The following ATP8A2 variants were observed in gnomAD, a reference collection of about 807,000 sequenced individuals.
ATP8A2 encodes ATPase phospholipid transporting 8A2.
ATP8A2 carries 100 observed loss-of-function variants against 165.6 expected under a neutral mutation model. The ratio of observed to expected loss-of-function variants is 0.60; its 90% CI spans 0.51 to 0.71. ATP8A2 has a LOEUF of 0.71. Among genes scored for constraint, ATP8A2 ranks in the 30% least tolerant of loss-of-function variants. The probability of loss-of-function intolerance (pLI) is 0.00; values close to 1 mark genes in which losing one functional copy is unlikely to be tolerated. For synonymous variants in ATP8A2, 543 were observed against 548.8 expected, an observed-to-expected ratio of 0.99 and a Z score of 0.15; for missense variants, 1,227 against 1,479.5, an observed-to-expected ratio of 0.83 and a Z score of 2.80.
At chr13:25,778,481 C>T (rs574421880) in intron 27 of ATP8A2, among the ~76,000 whole-genome samples, 1 of 152,260 alleles carries the variant, frequency 6.6e-6, no homozygotes, top group South Asian at 2.1e-4. Flanking sequence ...ACAACCTGTG[C>T]CTCCATCCTC....
At position 26,021,695 on chromosome 13, in the gene ATP8A2, G is replaced by T. The variant is rs949594673; in HGVS notation, c.*1710G>T. ...ATACTTGTGGGCAACTGTTACTGGTGAAAAATGGGAGTGGAGAGCATGTTT... is the reference window on the plus strand; with the variant it reads ...ATACTTGTGGGCAACTGTTACTGGTTAAAAATGGGAGTGGAGAGCATGTTT... On this transcript the variant is annotated 3_prime_UTR_variant, in exon 37 of 37. Coordinates refer to ENST00000381655, the MANE Select transcript of ATP8A2 (RefSeq NM_016529.6). The T allele has an allele frequency of 6.6e-6, 1 of 152,152 alleles. No individual in the cohort carries two copies. Among genetic ancestry groups the T allele is most frequent in the Non-Finnish European group, 1.5e-5 (1 of 68,042 alleles). The allele number at this position is 152,152 out of a possible 1,614,324, so 9.4% of individuals were successfully genotyped here.
At position 25,941,665 on chromosome 13, in the gene ATP8A2, A is replaced by C. The variant is rs562278795; in HGVS notation, c.3184-19910A>C. Among the ~76,000 whole-genome samples the C allele has an allele frequency of 4.7e-4, 71 of 152,300 alleles. 1 individual carries two copies. In the South Asian group the frequency reaches 0.014, roughly 29 times the overall value. ...TTCCCCATATAGTCCTGGCAGCAGC[A>C]CACACTGAATCCAACTGTGGTGACT... On this transcript the variant is annotated intron_variant, in intron 33 of 36. Transcript: ENST00000381655.
At chr13:25,804,162 C>T (rs570826074) in intron 27 of ATP8A2, among the ~76,000 whole-genome samples, 1 of 152,052 alleles carries the variant, frequency 6.6e-6, no homozygotes, top group East Asian at 1.9e-4. Flanking sequence ...TCGTTTTTTC[C>T]AGTATGTATA....
intron 16 of ATP8A2, 86 bp from the exon 17 acceptor site, chr13:25,570,681 G>A: frequency 9.6e-7 from 1 of 1,036,438 alleles, no homozygotes; most frequent in Non-Finnish European, 1.5e-6. Context: ...TAGGATGACT[G>A]GATGTTAGTT....
chr13:25,776,160 A>C (rs528577248), intron 27 of ATP8A2, among the ~76,000 whole-genome samples: 34 of 152,324 alleles, frequency 2.2e-4, no homozygotes, highest in South Asian at 4.1e-4. Context: ...CATTTTTCTA[A>C]GTTGCACAAG....
intron 25 of ATP8A2, among the ~76,000 whole-genome samples, chr13:25,768,760 G>A (rs898104893): frequency 3.9e-5 from 6 of 152,118 alleles, no homozygotes; most frequent in East Asian, 1.9e-4. Context: ...CAGGGCACAC[G>A]TACCCCCGAG....
At chr13:25,671,419 C>T (rs1282691008) in intron 24 of ATP8A2, among the ~76,000 whole-genome samples, 2 of 152,122 alleles carry the variant, frequency 1.3e-5, no homozygotes, top group South Asian at 2.1e-4. Flanking sequence ...CTCTGACCGC[C>T]GGTGAGCCAG....
At chr13:25,864,845 G>C (rs1040001352) in intron 33 of ATP8A2, among the ~76,000 whole-genome samples, 3 of 151,890 alleles carry the variant, frequency 2.0e-5, no homozygotes, top group Admixed American at 1.3e-4. Flanking sequence ...ATCATCTCTA[G>C]CCTTCCTCCA....
At chr13:25,877,577 G>A (rs1013694370) in intron 33 of ATP8A2, among the ~76,000 whole-genome samples, 13 of 152,008 alleles carry the variant, frequency 8.6e-5, no homozygotes, top group African/African-American at 3.1e-4. Context: ...CACCGACCTG[G>A]TCCTCCCCCC....
At chr13:25,784,766 T>A (rs2044980322) in intron 27 of ATP8A2, among the ~76,000 whole-genome samples, 1 of 151,130 alleles carries the variant, frequency 6.6e-6, no homozygotes, top group African/African-American at 2.4e-5. Flanking sequence ...GATACATTTC[T>A]TTTTTTTTCT....
intron 33 of ATP8A2, among the ~76,000 whole-genome samples, chr13:25,883,751 A>G (rs545475980): frequency 2.6e-5 from 4 of 152,330 alleles, no homozygotes; most frequent in Non-Finnish European, 2.9e-5. Context: ...CACTGCAGGT[A>G]AAACCAGAGA....
At chr13:25,378,845 A>T (rs1231836428) in intron 1 of ATP8A2, among the ~76,000 whole-genome samples, 2 of 152,226 alleles carry the variant, frequency 1.3e-5, no homozygotes, top group Admixed American at 6.5e-5. Context: ...AAAGGAAGTG[A>T]GTCTGGTGCT....
chr13:25,643,743 T>A (rs1445733296), intron 24 of ATP8A2, among the ~76,000 whole-genome samples: 2 of 136,104 alleles, frequency 1.5e-5, no homozygotes, highest in African/African-American at 2.9e-5. Flanking sequence ...TTTTGTTTTG[T>A]TTTTTTTTTC....
intron 25 of ATP8A2, among the ~76,000 whole-genome samples, chr13:25,711,968 G>A (rs530446776): frequency 1.3e-5 from 2 of 152,232 alleles, no homozygotes; most frequent in South Asian, 4.1e-4. Context: ...TCTGGTGCAG[G>A]TAGGATTCTG....
intron 16 of ATP8A2, chr13:25,567,185 G>A (rs2039339784): frequency 2.5e-5 from 9 of 359,638 alleles, no homozygotes; most frequent in South Asian, 1.1e-4. Flanking sequence ...AAGCTGGCCC[G>A]GGACTGGTGT....
chr13:25,672,142 A>G (rs999175172), intron 24 of ATP8A2, among the ~76,000 whole-genome samples: 2 of 152,186 alleles, frequency 1.3e-5, no homozygotes, highest in African/African-American at 4.8e-5. Flanking sequence ...GATGGGTATC[A>G]ACTTGAAGTT....
At chr13:25,587,541 G>C (rs1379598204) in intron 23 of ATP8A2, among the ~76,000 whole-genome samples, 1 of 152,080 alleles carries the variant, frequency 6.6e-6, no homozygotes, top group Non-Finnish European at 1.5e-5. Flanking sequence ...AGCAAGCGAG[G>C]GCTTAAAAAT....
At position 25,530,591 on chromosome 13, in the gene ATP8A2, A is replaced by G. The variant is rs774521958; in HGVS notation, c.351A>G (p.Arg117=). Residue 117 remains arginine (R), a synonymous_variant, in exon 4 of 37, where the codon AGA becomes AGG. Coordinates refer to ENST00000381655, the MANE Select transcript of ATP8A2 (RefSeq NM_016529.6). ...TTCCAGATGTATCTCCAACAGGAAG[A>G]TATACCACCCTGGTGCCATTGATCA... ...QQIPDVSPTG[R]YTTLVPLIII... 1 of 1,590,332 alleles carries G rather than the reference A, an allele frequency of 6.3e-7. No individual in the cohort carries two copies. The highest frequency in any genetic ancestry group is 1.7e-5 in the Admixed American group (1 of 57,992).
rs768924511 is a variant in ATP8A2 at position 25,769,210 on chromosome 13, C to T, written c.2549C>T (p.Ser850Leu). The T allele has an allele frequency of 4.3e-6, 7 of 1,612,616 alleles. No homozygotes were observed. Among genetic ancestry groups the T allele is most frequent in the Non-Finnish European group, 5.1e-6 (6 of 1,178,780 alleles). Residue 850 changes from serine (S) to leucine (L), a missense_variant, in exon 26 of 37, where the codon TCG (serine) becomes TTG (leucine). Ser to Leu is a moderately radical substitution (Grantham distance 145). This residue lies in a region of ATP8A2 where 592 missense variants were observed against 785.6 expected (regional missense o/e 0.75). Coordinates refer to ENST00000381655, the MANE Select transcript of ATP8A2 (RefSeq NM_016529.6). ...GAAGGCATGCAGGCCACCAACAACT[C>T]GGATTACGCCATCGCACAGGTCAGC... ...GNEGMQATNN[S>L]DYAIAQFSYL... is the part of the protein sequence containing the mutation.
Sources: gnomAD v4.1 joint callset for allele counts (sites outside exome capture counted in the v4.1 genomes callset) on GRCh38, gnomAD v4.1.1 for gene constraint, gnomAD v4.1.1 regional missense constraint, MANE v1.5 for transcripts, NCBI Gene and HGNC (gene_info 2026-07-23, HGNC 2026-07-21) for gene names.